The following IL1R1 variants were observed in gnomAD, a reference collection of about 807,000 sequenced individuals.
The protein encoded by IL1R1 is interleukin 1 receptor type 1.
In IL1R1, 22 loss-of-function variants were observed where a neutral mutation model predicts 50.2. The observed-to-expected ratio is 0.44, with a 90% CI of 0.31 to 0.63. IL1R1 has a LOEUF of 0.63. Among genes scored for constraint, IL1R1 ranks in the 20% least tolerant of loss-of-function variants. IL1R1 has a pLI of 0.07. For missense variants in IL1R1, 509 were observed against 676.2 expected (o/e 0.75, Z 2.74); for synonymous variants, 251 against 236.7 (o/e 1.06, Z -0.55).
intron 1 of IL1R1, among the ~76,000 whole-genome samples, chr2:102,127,033 C>A (rs929129243): frequency 5.7e-4 from 86 of 152,206 alleles, no homozygotes; most frequent in African/African-American, 1.9e-3. Flanking sequence ...CTTGTGAACC[C>A]TTGGGTGTGG....
upstream of IL1R1, among the ~76,000 whole-genome samples, chr2:102,141,343 T>C (rs1682634908): frequency 1.3e-5 from 2 of 152,226 alleles, no homozygotes; most frequent in Non-Finnish European, 2.9e-5. Context: ...TGTCATGTCC[T>C]CCGGTGATTC....
chr2:102,099,367 G>C (rs1680040174), intron 1 of IL1R1, among the ~76,000 whole-genome samples: 1 of 152,156 alleles, frequency 6.6e-6, no homozygotes, highest in Admixed American at 6.6e-5. Flanking sequence ...TTCTTCCAGG[G>C]ATGGGGCAAA....
chr2:102,099,265 A>G (rs1291091844), intron 1 of IL1R1, among the ~76,000 whole-genome samples: 1 of 152,218 alleles, frequency 6.6e-6, no homozygotes, highest in Non-Finnish European at 1.5e-5. Context: ...TCATGAGGGC[A>G]AAACAAAGAA....
At chr2:102,083,169 T>C (rs1679289225) in intron 1 of IL1R1, among the ~76,000 whole-genome samples, 1 of 152,138 alleles carries the variant, frequency 6.6e-6, no homozygotes, top group South Asian at 2.1e-4. Flanking sequence ...CTCTAAACTC[T>C]AAGAAGGTCT....
intron 1 of IL1R1, among the ~76,000 whole-genome samples, chr2:102,151,361 C>T (rs1414422965): frequency 6.6e-6 from 1 of 152,218 alleles, no homozygotes; most frequent in African/African-American, 2.4e-5. Context: ...CATCCTTTCT[C>T]TTCTTTGATT....
At chr2:102,156,280 A>G (rs1438107736) in intron 2 of IL1R1, 2 of 152,584 alleles carry the variant, frequency 1.3e-5, no homozygotes, top group South Asian at 2.1e-4. Context: ...ATTCTAGACT[A>G]TTTTGGGAAG....
At chr2:102,155,334 C>T (rs145519724) in intron 2 of IL1R1, among the ~76,000 whole-genome samples, 134 of 152,278 alleles carry the variant, frequency 8.8e-4, no homozygotes, top group African/African-American at 3.0e-3. Flanking sequence ...AACTGAGGCA[C>T]GGAGGCTGAG....
chr2:102,094,969 C>T (rs548757909), intron 1 of IL1R1, among the ~76,000 whole-genome samples: 2 of 152,154 alleles, frequency 1.3e-5, no homozygotes, highest in Non-Finnish European at 2.9e-5. Context: ...TACAAAGGGG[C>T]GTGAGAAAAA....
At chr2:102,156,598 G>A (rs532108048) in intron 2 of IL1R1, among the ~76,000 whole-genome samples, 3 of 150,944 alleles carry the variant, frequency 2.0e-5, no homozygotes, top group East Asian at 2.0e-4. Flanking sequence ...TGCAACCCCC[G>A]CCTCCTGGGT....
chr2:102,140,422 C>T (rs1682579344), upstream of IL1R1, among the ~76,000 whole-genome samples: 1 of 152,188 alleles, frequency 6.6e-6, no homozygotes, highest in African/African-American at 2.4e-5. Context: ...GACAGGGTCT[C>T]AGTTAAGTCT....
At chr2:102,155,055 T>C (rs1364547934) in intron 2 of IL1R1, among the ~76,000 whole-genome samples, 1 of 152,244 alleles carries the variant, frequency 6.6e-6, no homozygotes, top group Non-Finnish European at 1.5e-5. Flanking sequence ...CTGGGAACCT[T>C]GTTCCTGTTT....
At chr2:102,125,832 T>C (rs1032195716) in intron 1 of IL1R1, among the ~76,000 whole-genome samples, 3 of 152,232 alleles carry the variant, frequency 2.0e-5, no homozygotes, top group African/African-American at 7.2e-5. Flanking sequence ...AACTCTTTTG[T>C]GATGCCTGGG....
chr2:102,112,644 A>T (rs1396608334), intron 1 of IL1R1, among the ~76,000 whole-genome samples: 1 of 152,204 alleles, frequency 6.6e-6, no homozygotes, highest in Non-Finnish European at 1.5e-5. Flanking sequence ...AGGAAGCAAA[A>T]GGTGTGTTTA....
At chr2:102,158,536 A>G (rs1190660033) in intron 3 of IL1R1, among the ~76,000 whole-genome samples, 2 of 152,208 alleles carry the variant, frequency 1.3e-5, no homozygotes, top group Non-Finnish European at 2.9e-5. Flanking sequence ...GGGTGTGGAA[A>G]TATTCCAGTC....
intron 1 of IL1R1, among the ~76,000 whole-genome samples, chr2:102,127,785 G>A (rs1186082572): frequency 6.6e-6 from 1 of 152,038 alleles, no homozygotes; most frequent in East Asian, 1.9e-4. Context: ...TGTTAGTAGT[G>A]TAGGAGGAAT....
At chr2:102,090,071 T>C (rs952212047) in intron 1 of IL1R1, among the ~76,000 whole-genome samples, 8 of 151,830 alleles carry the variant, frequency 5.3e-5, no homozygotes, top group Non-Finnish European at 8.8e-5. Flanking sequence ...CCTGACCTCA[T>C]GATCCGCCTG....
chr2:102,084,752 C>T (rs1202462101), intron 1 of IL1R1, among the ~76,000 whole-genome samples: 1 of 152,072 alleles, frequency 6.6e-6, no homozygotes, highest in Non-Finnish European at 1.5e-5. Flanking sequence ...TGGTCTTGTA[C>T]CTGTGAGTGA....
intron 8 of IL1R1, 32 bp from the exon 9 acceptor site, chr2:102,172,655 A>G: frequency 6.4e-7 from 1 of 1,555,606 alleles, no homozygotes; most frequent in Non-Finnish European, 8.7e-7. Context: ...CAATTAACTT[A>G]CACAAGTTTA....
intron 5 of IL1R1, 127 bp downstream of exon 5, chr2:102,165,431 T>G (rs1685102655): frequency 2.1e-6 from 1 of 466,342 alleles, no homozygotes; most frequent in Admixed American, 3.9e-5. Context: ...TGAAACTTGA[T>G]AGGGAACCTA....
Sources: allele counts gnomAD v4.1 joint callset (sites outside exome capture counted in the v4.1 genomes callset), GRCh38; gene constraint gnomAD v4.1.1; transcripts MANE v1.5; gene names NCBI Gene and HGNC (gene_info 2026-07-23, HGNC 2026-07-21).